Variants in CSMD3 observed in about 807,000 individuals in gnomAD.
The protein encoded by CSMD3 is CUB and Sushi multiple domains 3, also known as CUB and sushi domain-containing protein 3.
Under a neutral mutation model 435.2 loss-of-function variants are expected in CSMD3, and 177 were observed. The ratio of observed to expected loss-of-function variants is 0.41; its 90% CI spans 0.36 to 0.46. The LOEUF (loss-of-function observed/expected upper bound fraction) is 0.46. Ranked by LOEUF, CSMD3 falls within the 20% of genes least tolerant of loss-of-function variation. The pLI is 0.34. For synonymous variants in CSMD3, 1,656 were observed against 1,520.5 expected (o/e 1.09, Z -2.07); for missense variants, 4,265 against 4,504.6 (o/e 0.95, Z 1.52).
Position 112,265,503 on chromosome 8 carries a change from C to T in CSMD3, c.9596G>A (p.Cys3199Tyr), listed in dbSNP as rs2130413331. 1 of 1,613,380 alleles carries T rather than the reference C, an allele frequency of 6.2e-7. No individual in the cohort carries two copies. Among genetic ancestry groups the T allele is most frequent in the Non-Finnish European group, 8.5e-7 (1 of 1,179,438 alleles). ...CAATTCCATCGTGTAGCCTGGCTGG[C>T]ACATGTAAGAAACATTTTGTCCAAC... is the stretch of plus-strand genomic sequence containing the variant. ...YVVGQNVSYM[C>Y]QPGYTMELNG... The change falls in exon 60 of 71, where the codon TGC becomes TAC. Residue 3199 changes from cysteine to tyrosine, a missense_variant. Physicochemically the swap from Cys to Tyr is radical, Grantham distance 194. This residue lies in a region of CSMD3 where 3,255 missense variants were observed against 3,380.2 expected (regional missense o/e 0.96). Coordinates refer to ENST00000297405, the MANE Select transcript of CSMD3 (RefSeq NM_198123.2).
chr8:113,200,089 G>A (rs992771528), intron 3 of CSMD3, among the ~76,000 whole-genome samples: 4 of 151,702 alleles, frequency 2.6e-5, no homozygotes, highest in Non-Finnish European at 4.4e-5. Flanking sequence ...ATCCAAAATG[G>A]GCTTCATGCT....
intron 53 of CSMD3, among the ~76,000 whole-genome samples, chr8:112,296,565 A>T (rs1239262829): frequency 6.6e-6 from 1 of 151,692 alleles, no homozygotes; most frequent in East Asian, 1.9e-4. Context: ...AAAAATAAAT[A>T]AATAAATAAA....
chr8:112,523,320 C>A lies in CSMD3; in HGVS notation c.4565-6095G>T, dbSNP rs188688481. Among the ~76,000 whole-genome samples the A allele has an allele frequency of 2.4e-3, 362 of 151,964 alleles. 2 individuals are homozygous for A. Among genetic ancestry groups the A allele is most frequent in the African/African-American group, 7.3e-3 (305 of 41,500 alleles). On this transcript the variant is annotated intron_variant, in intron 27 of 70. Transcript: ENST00000297405. ...TTCATCTGCTTTATTTAGAATCAGA[C>A]AAAATATTAAATTTTTATTCTAACA...
intron 6 of CSMD3, among the ~76,000 whole-genome samples, chr8:113,006,237 T>C (rs1243471166): frequency 2.0e-5 from 3 of 152,050 alleles, no homozygotes; most frequent in Non-Finnish European, 2.9e-5. Flanking sequence ...CTTTGTTTCT[T>C]CCCAAACAAG....
At chr8:113,000,459 T>TA (rs2085821847) in intron 6 of CSMD3, among the ~76,000 whole-genome samples, 1 of 151,970 alleles carries the variant, frequency 6.6e-6, no homozygotes, top group African/African-American at 2.4e-5. Context: ...TAGAGAGAGG[T>TA]AAAGTGTTAT....
intron 5 of CSMD3, among the ~76,000 whole-genome samples, chr8:113,053,444 T>C (rs1280961234): frequency 6.6e-6 from 1 of 152,080 alleles, no homozygotes; most frequent in Non-Finnish European, 1.5e-5. Flanking sequence ...TATAAACATA[T>C]ATAAATAATT....
At chr8:112,993,080 T>C (rs1290133023) in intron 6 of CSMD3, among the ~76,000 whole-genome samples, 1 of 151,736 alleles carries the variant, frequency 6.6e-6, no homozygotes, top group African/African-American at 2.4e-5. Flanking sequence ...GCAGGATCCA[T>C]GCAGAATGAG....
At chr8:112,833,203 C>T (rs1263667992) in intron 11 of CSMD3, among the ~76,000 whole-genome samples, 1 of 151,986 alleles carries the variant, frequency 6.6e-6, no homozygotes, top group Admixed American at 6.6e-5. Flanking sequence ...TTATTTTGGG[C>T]TTTCTAATGG....
chr8:112,265,324 A>G (rs1816834527), intron 60 of CSMD3, 87 bp downstream of exon 60: 3 of 924,418 alleles, frequency 3.2e-6, no homozygotes, highest in Non-Finnish European at 4.7e-6. Context: ...AAAAAATTTT[A>G]TTTAAGTATA....
intron 11 of CSMD3, among the ~76,000 whole-genome samples, chr8:112,855,725 T>C (rs1380313586): frequency 1.3e-5 from 2 of 151,640 alleles, no homozygotes; most frequent in African/African-American, 4.8e-5. Context: ...GAGACAGAGA[T>C]GCATAGATGC....
intron 3 of CSMD3, among the ~76,000 whole-genome samples, chr8:113,246,916 T>C (rs573375125): frequency 1.3e-5 from 2 of 152,190 alleles, no homozygotes; most frequent in Non-Finnish European, 2.9e-5. Context: ...GGTTTGTTTG[T>C]GTGCTGGGAT....
chr8:112,347,676 T>G (rs143519851), intron 40 of CSMD3, among the ~76,000 whole-genome samples: 1 of 152,208 alleles, frequency 6.6e-6, no homozygotes, highest in Admixed American at 6.5e-5. Flanking sequence ...ATCTCGTTAA[T>G]TCACCCTTAA....
intron 23 of CSMD3, among the ~76,000 whole-genome samples, chr8:112,575,068 G>A (rs779383951): frequency 9.9e-5 from 15 of 151,648 alleles, no homozygotes; most frequent in Non-Finnish European, 1.8e-4. Context: ...GTTTTAAACC[G>A]ATGATTTATT....
At chr8:112,633,093 T>G (rs12545124) in intron 22 of CSMD3, among the ~76,000 whole-genome samples, 73,711 of 151,870 alleles carry the variant, frequency 0.49, 18,537 homozygotes, top group African/African-American at 0.59. Context: ...TGAGTGCTTA[T>G]CTACTAATAG....
intron 51 of CSMD3, among the ~76,000 whole-genome samples, chr8:112,305,453 A>C (rs1821333906): frequency 6.6e-6 from 1 of 152,120 alleles, no homozygotes; most frequent in Admixed American, 6.6e-5. Flanking sequence ...GAGTTTATTC[A>C]CATCAATATT....
At chr8:113,376,761 T>G in intron 1 of CSMD3, 1 of 1,613,958 alleles carries the variant, frequency 6.2e-7, no homozygotes, top group Non-Finnish European at 8.5e-7. Flanking sequence ...TCGGTCAAGC[T>G]GTACAGGTTT....
intron 52 of CSMD3, 46 bp from the exon 53 acceptor site, chr8:112,302,012 C>A (rs2130760466): frequency 2.3e-6 from 3 of 1,320,872 alleles, no homozygotes; most frequent in Admixed American, 1.8e-5. Flanking sequence ...TATAGTCAAG[C>A]TGCACTTGTA....
chr8:113,410,910 A>AAAGAAAGAAAG (rs1367443147), intron 1 of CSMD3, among the ~76,000 whole-genome samples: 1 of 91,536 alleles, frequency 1.1e-5, no homozygotes, highest in Non-Finnish European at 2.5e-5. Context: ...TGAAAGAAAG[A>AAAGAAAGAAAG]AAGAAAGAAA....
intron 24 of CSMD3, among the ~76,000 whole-genome samples, chr8:112,572,154 G>A (rs192521482): frequency 1.3e-5 from 2 of 151,722 alleles, no homozygotes; most frequent in South Asian, 2.1e-4. Context: ...TATTGATATT[G>A]CTCAATATCA....
Sources: gnomAD v4.1 joint callset for allele counts (sites outside exome capture counted in the v4.1 genomes callset) on GRCh38, gnomAD v4.1.1 for gene constraint, gnomAD v4.1.1 regional missense constraint, MANE v1.5 for transcripts, NCBI Gene and HGNC (gene_info 2026-07-23, HGNC 2026-07-21) for gene names.